FARS2: variants seen among roughly 807,000 people sequenced by gnomAD.
FARS2 encodes phenylalanine--tRNA ligase, mitochondrial.
In FARS2, 40 loss-of-function variants were observed where a neutral mutation model predicts 46.4. The ratio of observed to expected loss-of-function variants is 0.86; its 90% CI spans 0.67 to 1.12. The LOEUF (loss-of-function observed/expected upper bound fraction) is 1.12. Among genes scored for constraint, FARS2 ranks in the 50% most tolerant of loss-of-function variants. The pLI is 0.00. For missense variants in FARS2, 513 were observed against 567.9 expected, an observed-to-expected ratio of 0.90 and a Z score of 0.98; for synonymous variants, 234 against 214.9, an observed-to-expected ratio of 1.09 and a Z score of -0.78.
At chr6:5,709,730 T>TTG (rs796259065) in intron 6 of FARS2, among the ~76,000 whole-genome samples, 1,842 of 96,712 alleles carry the variant, frequency 0.019, 47 homozygotes, top group African/African-American at 0.053. Context: ...GGGGGTGGGG[T>TTG]TGTGTGTGTG....
chr6:5,420,603 A>G (rs963847820), intron 3 of FARS2, among the ~76,000 whole-genome samples: 29 of 152,108 alleles, frequency 1.9e-4, no homozygotes, highest in African/African-American at 6.8e-4. Flanking sequence ...CTCCAGAATG[A>G]TCTCCTTCAA....
At chr6:5,711,257 A>G (rs934585140) in intron 6 of FARS2, among the ~76,000 whole-genome samples, 5 of 151,942 alleles carry the variant, frequency 3.3e-5, no homozygotes, top group Admixed American at 2.0e-4. Flanking sequence ...ATAAAAATCC[A>G]TCCGATTATA....
chr6:5,387,705 C>G (rs1486782655), intron 2 of FARS2, among the ~76,000 whole-genome samples: 4 of 152,112 alleles, frequency 2.6e-5, no homozygotes, highest in African/African-American at 9.7e-5. Flanking sequence ...TGATGGGGGT[C>G]TCTGCTCCAG....
chr6:5,753,704 G>C lies in FARS2; in HGVS notation c.1218-17587G>C, dbSNP rs545128572. Among the ~76,000 whole-genome samples, 21 of 152,344 alleles carry C rather than the reference G, an allele frequency of 1.4e-4. No homozygotes were observed. In the South Asian group the frequency reaches 3.9e-3, roughly 29 times the overall value. ...TCCTATGACCAGAGGTTGCTGCAGAGAGTGATTTTTAAAAGACAAAACCAA... is the reference window on the plus strand; with the variant it reads ...TCCTATGACCAGAGGTTGCTGCAGACAGTGATTTTTAAAAGACAAAACCAA... On this transcript the variant is annotated intron_variant, in intron 6 of 6. Coordinates refer to ENST00000274680, the MANE Select transcript of FARS2 (RefSeq NM_006567.5).
At chr6:5,754,494 T>C (rs1201318720) in intron 6 of FARS2, among the ~76,000 whole-genome samples, 1 of 152,240 alleles carries the variant, frequency 6.6e-6, no homozygotes, top group African/African-American at 2.4e-5. Flanking sequence ...TTAGTTTCCA[T>C]AGGTTGTGAT....
At chr6:5,539,887 T>C (rs1166215758) in intron 4 of FARS2, among the ~76,000 whole-genome samples, 1 of 152,098 alleles carries the variant, frequency 6.6e-6, no homozygotes, top group African/African-American at 2.4e-5. Flanking sequence ...CAGATGTGAT[T>C]TCCAGCTGGC....
intron 1 of FARS2, among the ~76,000 whole-genome samples, chr6:5,364,254 T>C (rs1758505008): frequency 6.6e-6 from 1 of 152,204 alleles, no homozygotes; most frequent in Non-Finnish European, 1.5e-5. Flanking sequence ...ATAAGTATTA[T>C]ATTTCTCTGT....
At chr6:5,396,692 G>T (rs1453107343) in intron 2 of FARS2, among the ~76,000 whole-genome samples, 1 of 152,218 alleles carries the variant, frequency 6.6e-6, no homozygotes, top group Non-Finnish European at 1.5e-5. Context: ...GGAACTGAGC[G>T]CCAGGAGCAG....
At chr6:5,513,438 AAGGCCATGGG>A (rs1768579035) in intron 4 of FARS2, among the ~76,000 whole-genome samples, 1 of 152,232 alleles carries the variant, frequency 6.6e-6, no homozygotes, top group Admixed American at 6.5e-5. Flanking sequence ...CCTAATTCAG[AAGGCCATGGG>A]AGGCCACCTG....
chr6:5,379,383 C>G (rs1759604226), intron 2 of FARS2, among the ~76,000 whole-genome samples: 1 of 152,076 alleles, frequency 6.6e-6, no homozygotes, highest in African/African-American at 2.4e-5. Context: ...GTAACTTGAT[C>G]AAGGAAAGCA....
chr6:5,541,308 T>C (rs1770618726), intron 4 of FARS2, among the ~76,000 whole-genome samples: 1 of 152,206 alleles, frequency 6.6e-6, no homozygotes, highest in African/African-American at 2.4e-5. Context: ...TCAAGTGTAG[T>C]ATGTTTGAAA....
rs1582057696 is a variant in FARS2 at position 5,422,044 on chromosome 6, A to T, written c.773-8997A>T. On this transcript the variant is annotated intron_variant, in intron 3 of 6. Transcript: ENST00000274680. ...AAAACATACCTGAGACTGGGAGGAA[A>T]AATAGGCTTAATGGACTCACAGTTT... 2.0e-5 allele frequency among the ~76,000 whole-genome samples: 3 copies of T among 152,340 alleles called. No homozygotes were observed. The East Asian group carries it at 5.8e-4, about 29-fold the overall frequency.
intron 5 of FARS2, among the ~76,000 whole-genome samples, chr6:5,590,305 T>C (rs1339781739): frequency 2.0e-5 from 3 of 152,186 alleles, no homozygotes; most frequent in Non-Finnish European, 4.4e-5. Flanking sequence ...CCAAGTTCTC[T>C]GTGGAGCTTT....
chr6:5,464,721 G>A (rs375505630), intron 4 of FARS2, among the ~76,000 whole-genome samples: 5 of 152,004 alleles, frequency 3.3e-5, no homozygotes, highest in African/African-American at 4.8e-5. Flanking sequence ...CCAGCATTCC[G>A]TACATTTTTA....
intron 5 of FARS2, among the ~76,000 whole-genome samples, chr6:5,561,055 C>T (rs1771951807): frequency 6.6e-6 from 1 of 152,114 alleles, no homozygotes; most frequent in Non-Finnish European, 1.5e-5. Context: ...TGCTTGAACC[C>T]AGGTGGTAGA....
At chr6:5,540,958 C>G (rs563167880) in intron 4 of FARS2, among the ~76,000 whole-genome samples, 1 of 152,232 alleles carries the variant, frequency 6.6e-6, no homozygotes, top group African/African-American at 2.4e-5. Flanking sequence ...GGGCCCAGCA[C>G]CAGGTGTGAG....
chr6:5,636,344 C>G (rs955937504), intron 6 of FARS2, among the ~76,000 whole-genome samples: 6 of 152,158 alleles, frequency 3.9e-5, no homozygotes, highest in African/African-American at 1.4e-4. Flanking sequence ...GGGTGTCCAC[C>G]CAGCTCCCGG....
chr6:5,407,684 A>G (rs1478496709), intron 3 of FARS2, among the ~76,000 whole-genome samples: 2 of 152,010 alleles, frequency 1.3e-5, no homozygotes, highest in South Asian at 4.1e-4. Flanking sequence ...GGTGGTTGCT[A>G]TTTTCTCTTC....
intron 4 of FARS2, among the ~76,000 whole-genome samples, chr6:5,499,980 T>C (rs1030559982): frequency 6.6e-6 from 1 of 152,196 alleles, no homozygotes; most frequent in African/African-American, 2.4e-5. Context: ...ACAAGGGGCA[T>C]CTGAAATTTC....
Sources: gnomAD v4.1 joint callset for allele counts (sites outside exome capture counted in the v4.1 genomes callset) on GRCh38, gnomAD v4.1.1 for gene constraint, MANE v1.5 for transcripts, NCBI Gene and HGNC (gene_info 2026-07-23, HGNC 2026-07-21) for gene names.